The following CELF2 variants were observed in gnomAD, a reference collection of about 807,000 sequenced individuals.
CELF2 encodes CUG triplet repeat RNA-binding protein 2.
In CELF2, 8 loss-of-function variants were observed where a neutral mutation model predicts 62.6. That is an observed-to-expected ratio of 0.13 (90% CI 0.07 to 0.23). The LOEUF (loss-of-function observed/expected upper bound fraction) is 0.23, where lower values mean the gene tolerates loss of function less well. Ranked by LOEUF, CELF2 falls within the 10% of genes least tolerant of loss-of-function variation. The probability of loss-of-function intolerance (pLI) is 1.00; values close to 1 mark genes in which losing one functional copy is unlikely to be tolerated. For synonymous variants in CELF2, 258 were observed against 250.0 expected (o/e 1.03, Z -0.30); for missense variants, 333 against 671.0 (o/e 0.50, Z 5.56).
At chr10:11,240,545 T>C (rs934795460) in intron 3 of CELF2, among the ~76,000 whole-genome samples, 7 of 152,216 alleles carry the variant, frequency 4.6e-5, no homozygotes, top group African/African-American at 1.7e-4. Context: ...TAGATTTAGC[T>C]CTGTCCTTGT....
intron 1 of CELF2, chr10:11,164,894 C>T: frequency 5.4e-6 from 1 of 186,014 alleles, no homozygotes; most frequent in Non-Finnish European, 1.0e-5. Flanking sequence ...TTGATGCACA[C>T]ATGGATGCCT....
the CELF2 span, among the ~76,000 whole-genome samples, chr10:10,535,169 A>G: frequency 3.3e-5 from 5 of 152,318 alleles, no homozygotes; most frequent in Admixed American, 6.5e-5. Flanking sequence ...AATCAACAGC[A>G]CTTGATGAGT....
chr10:11,049,823 C>T (rs1007979692), intron 1 of CELF2, among the ~76,000 whole-genome samples: 4 of 152,244 alleles, frequency 2.6e-5, no homozygotes, highest in South Asian at 2.1e-4. Flanking sequence ...GCTTACAAAA[C>T]ACACCTTCAC....
At chr10:10,629,257 T>C in the CELF2 span, among the ~76,000 whole-genome samples, 1 of 152,330 alleles carries the variant, frequency 6.6e-6, no homozygotes, top group African/African-American at 2.4e-5. Flanking sequence ...ACTGTAACTT[T>C]GGGCCTCCGC....
chr10:10,619,178 C>A, the CELF2 span, among the ~76,000 whole-genome samples: 1 of 152,172 alleles, frequency 6.6e-6, no homozygotes, highest in Non-Finnish European at 1.5e-5. Context: ...TTTATGTCTG[C>A]AGCTTGATTT....
intron 1 of CELF2, among the ~76,000 whole-genome samples, chr10:10,868,111 T>C (rs761699904): frequency 3.9e-5 from 6 of 152,232 alleles, no homozygotes; most frequent in Non-Finnish European, 7.3e-5. Flanking sequence ...GTCCCAGTTA[T>C]CTGTTCCTGT....
At chr10:10,758,341 T>C in the CELF2 span, among the ~76,000 whole-genome samples, 1 of 152,202 alleles carries the variant, frequency 6.6e-6, no homozygotes, top group Admixed American at 6.5e-5. Flanking sequence ...GGGCTTTGCC[T>C]GTCACCTTTA....
the CELF2 span, among the ~76,000 whole-genome samples, chr10:10,762,457 C>T: frequency 6.6e-6 from 1 of 152,126 alleles, no homozygotes; most frequent in Non-Finnish European, 1.5e-5. Flanking sequence ...CTGAGAATTT[C>T]GTGCAAGAGG....
chr10:10,732,274 C>T, the CELF2 span, among the ~76,000 whole-genome samples: 142 of 152,236 alleles, frequency 9.3e-4, no homozygotes, highest in Middle Eastern at 3.4e-3. Flanking sequence ...AGACTGTATA[C>T]GCTAATGATA....
intron 3 of CELF2, among the ~76,000 whole-genome samples, chr10:11,231,876 A>T (rs1002370013): frequency 1.3e-5 from 2 of 151,394 alleles, no homozygotes; most frequent in African/African-American, 2.5e-5. Context: ...AATAAAAAAT[A>T]AAAAAATAAA....
intron 8 of CELF2, among the ~76,000 whole-genome samples, chr10:11,286,735 G>A (rs2091415330): frequency 6.6e-6 from 1 of 152,208 alleles, no homozygotes; most frequent in South Asian, 2.1e-4. Flanking sequence ...ATGTTCACTT[G>A]ATGAAGCAAG....
chr10:10,755,399 T>C, the CELF2 span, among the ~76,000 whole-genome samples: 1 of 152,206 alleles, frequency 6.6e-6, no homozygotes, highest in Non-Finnish European at 1.5e-5. Flanking sequence ...GCTTCAACAA[T>C]ACCGGCATTT....
chr10:10,805,008 C>T (rs2055067470), intron 1 of CELF2, among the ~76,000 whole-genome samples: 1 of 152,276 alleles, frequency 6.6e-6, no homozygotes, highest in Non-Finnish European at 1.5e-5. Flanking sequence ...AGCAGGCTGG[C>T]CATCTGAAGA....
At chr10:10,958,849 A>G (rs978480056) in intron 2 of CELF2, among the ~76,000 whole-genome samples, 2 of 152,214 alleles carry the variant, frequency 1.3e-5, no homozygotes, top group Non-Finnish European at 2.9e-5. Flanking sequence ...GTCTCTAAAA[A>G]AAAAGAAAAA....
chr10:10,464,582 T>C, the CELF2 span, among the ~76,000 whole-genome samples: 4 of 152,304 alleles, frequency 2.6e-5, no homozygotes, highest in African/African-American at 9.6e-5. Context: ...TTTTTCCTTC[T>C]GGCTTAAAAT....
chr10:10,977,182 C>T (rs192814389), intron 2 of CELF2, among the ~76,000 whole-genome samples: 115 of 152,252 alleles, frequency 7.6e-4, no homozygotes, highest in African/African-American at 2.7e-3. Flanking sequence ...TGAGAGCTCA[C>T]GGATTCTTCC....
rs888609229 is a variant in CELF2 at position 10,936,839 on chromosome 10, T to A, written c.89+16840T>A. ...CCGGAGGATTGTGTTTAAATGCATGTTCTGATTCAGCTGGTCTGGGGCAAA... is the reference window on the plus strand; with the variant it reads ...CCGGAGGATTGTGTTTAAATGCATGATCTGATTCAGCTGGTCTGGGGCAAA... On this transcript the variant is annotated intron_variant, in intron 2 of 13. Transcript: ENST00000636488. This position sits in a 1 kb window ranked among gnomAD's most constrained non-coding sequence, Gnocchi z 4.0. 3 of 152,252 alleles carry A rather than the reference T, an allele frequency of 2.0e-5. No individual in the cohort carries two copies. The highest frequency in any genetic ancestry group is 4.4e-5 in the Non-Finnish European group (3 of 68,066). The allele number at this position is 152,252 out of a possible 1,614,324, so 9.4% of individuals were successfully genotyped here.
At chr10:11,238,507 G>T (rs1275030744) in intron 3 of CELF2, among the ~76,000 whole-genome samples, 1 of 152,170 alleles carries the variant, frequency 6.6e-6, no homozygotes, top group Non-Finnish European at 1.5e-5. Flanking sequence ...TTATTTGGGA[G>T]CTCAACTGAC....
Position 11,189,129 on chromosome 10 carries a change from A to G in CELF2, c.271+23447A>G, listed in dbSNP as rs568083097. Among the ~76,000 whole-genome samples, 6 of 152,248 alleles carry G rather than the reference A, an allele frequency of 3.9e-5. No homozygotes were observed. The South Asian group carries it at 6.2e-4, about 16-fold the overall frequency. ...CCTAGTCCTCTACCCAAGACCGTGA[A>G]TTGTGAGTATTTTCGGTCTGGCTGG... is the stretch of plus-strand genomic sequence containing the variant. On this transcript the variant is annotated intron_variant, in intron 2 of 12. Coordinates refer to ENST00000633077, the MANE Select transcript of CELF2 (RefSeq NM_001326342.2).
Sources: allele counts gnomAD v4.1 joint callset (sites outside exome capture counted in the v4.1 genomes callset), GRCh38; gene constraint gnomAD v4.1.1; non-coding constraint Gnocchi (gnomAD v3.1); transcripts MANE v1.5; gene names NCBI Gene and HGNC (gene_info 2026-07-23, HGNC 2026-07-21).